Variants in FAM217A observed in about 807,000 individuals in gnomAD.
The protein encoded by FAM217A is family with sequence similarity 217 member A.
In FAM217A, 13 loss-of-function variants were observed where a neutral mutation model predicts 18.5. The ratio of observed to expected loss-of-function variants is 0.70; its 90% CI spans 0.46 to 1.12. FAM217A has a LOEUF of 1.12. FAM217A is among the 50% of genes most tolerant of loss of function. The pLI, the probability that FAM217A is intolerant of heterozygous loss-of-function variation, is 0.00. For synonymous variants in FAM217A, 161 were observed against 202.8 expected (o/e 0.79, Z 1.75); for missense variants, 560 against 575.4 (o/e 0.97, Z 0.27).
chr6:4,070,768 G>A (rs1769347001), intron 6 of FAM217A, among the ~76,000 whole-genome samples: 1 of 152,202 alleles, frequency 6.6e-6, no homozygotes, highest in African/African-American at 2.4e-5. Flanking sequence ...ACTTTGGGAG[G>A]CCAAGGCAGG....
At position 4,073,428 on chromosome 6, in the gene FAM217A, CCCA is replaced by C; in HGVS notation, c.234+2_234+4del. On this transcript the variant is annotated splice_donor_variant and splice_donor_region_variant and intron_variant, in intron 5 of 6. Transcript: ENST00000274673. LOFTEE classifies it high-confidence loss of function. Reference sequence around the variant, plus strand: ...ATTTTAAGGGTATGAAGAATAAAATCCCACCTGTGTACTTTTTTGACTATGCAC... The same window carrying C: ...ATTTTAAGGGTATGAAGAATAAAATCCCTGTGTACTTTTTTGACTATGCAC... 3 of 1,610,976 alleles carry C rather than the reference CCCA, an allele frequency of 1.9e-6. No individual in the cohort carries two copies. Among genetic ancestry groups the C allele is most frequent in the Non-Finnish European group, 2.5e-6 (3 of 1,178,534 alleles).
chr6:4,082,178 C>T (rs998466926), upstream of FAM217A, among the ~76,000 whole-genome samples: 7 of 152,076 alleles, frequency 4.6e-5, no homozygotes, highest in Admixed American at 4.6e-4. Context: ...GAAATTGTGC[C>T]CTCTCCAAAC....
chr6:4,073,328 C>T lies in FAM217A; in HGVS notation c.249G>A (p.Gly83=). The T allele has an allele frequency of 6.2e-7, 1 of 1,609,686 alleles. No individual in the cohort carries two copies. The highest frequency in any genetic ancestry group is 2.2e-5 in the East Asian group (1 of 44,678). ...SQKSTQNSKQ[G]IFQLWNCPLN... Reference sequence around the variant, plus strand: ...GAGGACAATTCCATAATTGAAAGATCCCTTGTTTACTATTCTGATGACAGA... The same window carrying T: ...GAGGACAATTCCATAATTGAAAGATTCCTTGTTTACTATTCTGATGACAGA... The change falls in exon 6 of 7, where the codon GGG becomes GGA. Residue 83 remains glycine, a synonymous_variant. Coordinates refer to ENST00000274673, the MANE Select transcript of FAM217A (RefSeq NM_173563.3).
chr6:4,071,184 G>A (rs190438753), intron 6 of FAM217A, among the ~76,000 whole-genome samples: 154 of 152,278 alleles, frequency 1.0e-3, no homozygotes, highest in African/African-American at 3.6e-3. Flanking sequence ...TTTGCTACCA[G>A]TGAGTGAGCA....
chr6:4,075,020 T>A (rs538897786), intron 2 of FAM217A, among the ~76,000 whole-genome samples: 4 of 152,288 alleles, frequency 2.6e-5, no homozygotes, highest in African/African-American at 9.6e-5. Flanking sequence ...ACTTTCTATA[T>A]CTGAGTATCA....
chr6:4,077,768 G>A (rs1769934276), intron 1 of FAM217A, among the ~76,000 whole-genome samples: 1 of 152,166 alleles, frequency 6.6e-6, no homozygotes, highest in South Asian at 2.1e-4. Flanking sequence ...GAATTATCTG[G>A]AACTTAGAAA....
Position 4,073,267 on chromosome 6 carries a change from T to G in FAM217A, c.302+8A>C, listed in dbSNP as rs1366412783. The G allele has an allele frequency of 1.3e-6, 2 of 1,586,546 alleles. No individual in the cohort carries two copies. Among genetic ancestry groups the G allele is most frequent in the Admixed American group, 3.6e-5 (2 of 55,250 alleles). On this transcript the variant is annotated splice_region_variant and intron_variant, in intron 6 of 6. Coordinates refer to ENST00000274673, the MANE Select transcript of FAM217A (RefSeq NM_173563.3). ...ATTTAGGGTGTTACAAAATAACTAC[T>G]CGCTTACCTCTTCTCTATGGTACTT...
chr6:4,085,311 A>AATATATAT (rs10636236), intron 1 of FAM217A, among the ~76,000 whole-genome samples: 1,743 of 146,382 alleles, frequency 0.012, 25 homozygotes, highest in African/African-American at 0.035. Context: ...TGTAAAAAAA[A>AATATATAT]ATATATATAT....
At chr6:4,079,427 A>G (rs2113885105), upstream of FAM217A, 1 of 331,278 alleles carries the variant, frequency 3.0e-6, no homozygotes, top group Non-Finnish European at 5.9e-6. Flanking sequence ...GGAAAGCCTG[A>G]GCCTCCCGGG....
chr6:4,069,583 TATC>T lies in FAM217A; in HGVS notation c.637_639del (p.Asp213del), dbSNP rs1424647057. 6.2e-7 allele frequency: 1 copy of T among 1,614,016 alleles called. No individual in the cohort carries two copies. Among genetic ancestry groups the T allele is most frequent in the Non-Finnish European group, 8.5e-7 (1 of 1,180,020 alleles). ...ACCTTTTTAAAATAGCTGAGTAAAG[TATC>T]ATTTGTCTTCTCATTTTCTGATAAA... On this transcript the variant is annotated inframe_deletion, in exon 7 of 7. Transcript: ENST00000274673.
At chr6:4,085,619 G>A (rs1770606232) in intron 1 of FAM217A, among the ~76,000 whole-genome samples, 1 of 152,148 alleles carries the variant, frequency 6.6e-6, no homozygotes, top group Non-Finnish European at 1.5e-5. Context: ...TTGCCTGGAA[G>A]AAAGAAGCTG....
intron 2 of FAM217A, among the ~76,000 whole-genome samples, chr6:4,075,892 T>G (rs781008319): frequency 1.6e-4 from 24 of 152,146 alleles, no homozygotes; most frequent in Non-Finnish European, 3.2e-4. Flanking sequence ...CTCTATAGAT[T>G]TATGAAAAAT....
chr6:4,070,036 A>G, intron 6 of FAM217A, 116 bp from the exon 7 acceptor site: 1 of 728,120 alleles, frequency 1.4e-6, no homozygotes, highest in Non-Finnish European at 2.1e-6. Flanking sequence ...TCCCAATGGC[A>G]TATGTGTATC....
chr6:4,074,673 T>TA lies in FAM217A; in HGVS notation c.61-13_61-12insT. On this transcript the variant is annotated splice_polypyrimidine_tract_variant and intron_variant, in intron 2 of 6. Transcript: ENST00000274673. ...CAGTGAGATAAGTTCTAAAACAATA[T>TA]TTGTTTTAGGATAAACTTAACATTA... 3.2e-6 allele frequency: 5 copies of TA among 1,556,310 alleles called. No homozygotes were observed. The highest frequency in any genetic ancestry group is 4.4e-6 in the Non-Finnish European group (5 of 1,128,824).
At chr6:4,082,275 A>G (rs1770350682), upstream of FAM217A, among the ~76,000 whole-genome samples, 1 of 152,168 alleles carries the variant, frequency 6.6e-6, no homozygotes, top group African/African-American at 2.4e-5. Context: ...CTCAACATCA[A>G]TCCCAAGGCC....
chr6:4,077,127 C>T (rs947186353), intron 2 of FAM217A, among the ~76,000 whole-genome samples: 2 of 152,318 alleles, frequency 1.3e-5, no homozygotes, highest in Middle Eastern at 3.4e-3. Flanking sequence ...AGCCAAATTG[C>T]AATTAGAAAT....
intron 6 of FAM217A, among the ~76,000 whole-genome samples, chr6:4,070,540 A>G (rs1461260047): frequency 6.6e-6 from 1 of 152,220 alleles, no homozygotes; most frequent in Non-Finnish European, 1.5e-5. Context: ...AAAACTACAA[A>G]AAAGCCATAG....
intron 6 of FAM217A, among the ~76,000 whole-genome samples, chr6:4,070,635 T>C (rs541998044): frequency 4.1e-4 from 63 of 152,348 alleles, no homozygotes; most frequent in Admixed American, 1.2e-3. Flanking sequence ...AGTTGACATA[T>C]AGTCTTGATA....
At chr6:4,084,652 A>ACAG in exon 2 of FAM217A, 1 of 703,026 alleles carries the variant, frequency 1.4e-6, no homozygotes, top group Non-Finnish European at 2.6e-6. Context: ...TTTGTTGTGA[A>ACAG]CAGAACACTT....
Sources: gnomAD v4.1 joint callset for allele counts (sites outside exome capture counted in the v4.1 genomes callset) on GRCh38, gnomAD v4.1.1 for gene constraint, MANE v1.5 for transcripts, NCBI Gene and HGNC (gene_info 2026-07-23, HGNC 2026-07-21) for gene names.